UBE4B: variants seen among roughly 807,000 people sequenced by gnomAD.
UBE4B encodes the protein ubiquitination factor E4B, also known as ubiquitin conjugation factor E4 B.
Under a neutral mutation model 148.1 loss-of-function variants are expected in UBE4B, and 27 were observed. The observed-to-expected ratio is 0.18, with a 90% CI of 0.13 to 0.25. The LOEUF (loss-of-function observed/expected upper bound fraction) is 0.25, where lower values mean the gene tolerates loss of function less well. Ranked by LOEUF, UBE4B falls within the 10% of genes least tolerant of loss-of-function variation. The pLI is 1.00. For synonymous variants in UBE4B, 596 were observed against 619.3 expected (o/e 0.96, Z 0.56); for missense variants, 1,170 against 1,662.4 (o/e 0.70, Z 5.15).
intron 1 of UBE4B, among the ~76,000 whole-genome samples, chr1:10,060,488 GT>G (rs1644263437): frequency 6.6e-6 from 1 of 152,150 alleles, no homozygotes; most frequent in South Asian, 2.1e-4. Context: ...CTGAAATGTC[GT>G]TATGCAGCCC....
intron 5 of UBE4B, chr1:10,103,293 T>A (rs1234776873): frequency 2.3e-6 from 1 of 432,770 alleles, no homozygotes; most frequent in Admixed American, 3.5e-5. Flanking sequence ...TTATTTTTCA[T>A]TTCCATGATT....
chr1:10,104,578 T>C (rs1645075558), intron 5 of UBE4B, among the ~76,000 whole-genome samples: 1 of 152,206 alleles, frequency 6.6e-6, no homozygotes, highest in African/African-American at 2.4e-5. Context: ...AAAAAAGTCC[T>C]TTGTATTTCT....
intron 7 of UBE4B, among the ~76,000 whole-genome samples, chr1:10,116,315 G>A (rs1320871601): frequency 6.6e-6 from 1 of 152,132 alleles, no homozygotes; most frequent in Non-Finnish European, 1.5e-5. Context: ...ACAAATTTTT[G>A]TATTTTTAGT....
chr1:10,096,690 C>G (rs1293251982), intron 3 of UBE4B, among the ~76,000 whole-genome samples: 1 of 151,682 alleles, frequency 6.6e-6, no homozygotes, highest in Non-Finnish European at 1.5e-5. Context: ...CCACTGCACT[C>G]CAGCCTGGCC....
Position 10,158,629 on chromosome 1 carries a change from T to C in UBE4B, c.3053+147T>C, listed in dbSNP as rs116819138. On this transcript the variant is annotated intron_variant, in intron 22 of 27. Coordinates refer to ENST00000343090, the MANE Select transcript of UBE4B (RefSeq NM_001105562.3). Reference sequence around the variant, plus strand: ...GTTTACCACAAGATGCCACTAAATGTGGGCAGGATTTTTTAAATGGCTTTA... The same window carrying C: ...GTTTACCACAAGATGCCACTAAATGCGGGCAGGATTTTTTAAATGGCTTTA... The C allele has an allele frequency of 2.3e-4, 244 of 1,076,804 alleles. No homozygotes were observed. In the African/African-American group the frequency reaches 3.4e-3, roughly 15 times the overall value. 66.7% of individuals were successfully genotyped at this position (1,076,804 alleles called of 1,614,324 possible).
At chr1:10,129,284 T>G in intron 11 of UBE4B, 108 bp from the exon 12 acceptor site, 1 of 981,054 alleles carries the variant, frequency 1.0e-6, no homozygotes, top group Non-Finnish European at 1.5e-6. Context: ...ATGTGTGCCA[T>G]TTTAGAGGGA....
intron 10 of UBE4B, among the ~76,000 whole-genome samples, chr1:10,123,233 C>G (rs1470423426): frequency 6.6e-6 from 1 of 151,908 alleles, no homozygotes; most frequent in Non-Finnish European, 1.5e-5. Context: ...GAGTTCGAGA[C>G]CAGCCTGGCC....
chr1:10,055,901 A>G lies in UBE4B; in HGVS notation c.25-16127A>G, dbSNP rs1644158910. ...ATCACTGCATTCCAGCCTGGATGACAGAGTAAGACTCTGTCTCAAAAAAAC... is the reference window on the plus strand; with the variant it reads ...ATCACTGCATTCCAGCCTGGATGACGGAGTAAGACTCTGTCTCAAAAAAAC... On this transcript the variant is annotated intron_variant, in intron 1 of 27. Coordinates refer to ENST00000343090, the MANE Select transcript of UBE4B (RefSeq NM_001105562.3). Among the ~76,000 whole-genome samples, 3 of 152,194 alleles carry G rather than the reference A, an allele frequency of 2.0e-5. No homozygotes were observed. The South Asian group carries it at 6.2e-4, about 32-fold the overall frequency.
chr1:10,146,901 G>A lies in UBE4B; in HGVS notation c.2464-62G>A. On this transcript the variant is annotated intron_variant, in intron 18 of 27. Transcript: ENST00000343090. ...ATCTCCTGGCCCCAGTCCCTGCCCAGTCCCCCTGTAGGGACTTAGCTACTG... is the reference window on the plus strand; with the variant it reads ...ATCTCCTGGCCCCAGTCCCTGCCCAATCCCCCTGTAGGGACTTAGCTACTG... 10 of 1,585,444 alleles carry A rather than the reference G, an allele frequency of 6.3e-6. No individual in the cohort carries two copies. In the South Asian group the frequency reaches 7.9e-5, roughly 12 times the overall value.
chr1:10,135,269 C>T (rs1271815836), intron 16 of UBE4B, 83 bp downstream of exon 16: 1 of 1,333,222 alleles, frequency 7.5e-7, no homozygotes, highest in East Asian at 2.5e-5. Context: ...TTGTTACCAC[C>T]TCACCATAAA....
chr1:10,168,341 G>A lies in UBE4B; in HGVS notation c.3333+71G>A. The A allele has an allele frequency of 6.5e-7, 1 of 1,544,530 alleles. No individual in the cohort carries two copies. On this transcript the variant is annotated intron_variant, in intron 24 of 27. Coordinates refer to ENST00000343090, the MANE Select transcript of UBE4B (RefSeq NM_001105562.3). The surrounding 1 kb of genome is among the most constrained non-coding windows in gnomAD (Gnocchi z 4.9). ...TCAGACTCTCTCACTTATAACTTTA[G>A]CAGTTGTTGAAGTTCTGGAAATTTT...
At chr1:10,058,218 G>A (rs942770056) in intron 1 of UBE4B, among the ~76,000 whole-genome samples, 10 of 152,144 alleles carry the variant, frequency 6.6e-5, no homozygotes, top group African/African-American at 2.2e-4. Context: ...GAAGAAATGT[G>A]GTTAATCAAT....
rs2102051498 is a variant in UBE4B at position 10,180,280 on chromosome 1, C to T, written c.*324C>T. On this transcript the variant is annotated 3_prime_UTR_variant, in exon 28 of 28. Coordinates refer to ENST00000343090, the MANE Select transcript of UBE4B (RefSeq NM_001105562.3). ...TTTAGTGATGGCTAATGGGTCTGGG[C>T]AGCATCCCTTCATGAATTTTTTTTT... is the stretch of plus-strand genomic sequence containing the variant. 2 of 298,922 alleles carry T rather than the reference C, an allele frequency of 6.7e-6. No homozygotes were observed. The highest frequency in any genetic ancestry group is 9.7e-4 in the Middle Eastern group (1 of 1,030). 18.5% of individuals were successfully genotyped at this position (298,922 alleles called of 1,614,324 possible).
At chr1:10,092,632 A>G (rs1644867208) in intron 2 of UBE4B, among the ~76,000 whole-genome samples, 1 of 151,792 alleles carries the variant, frequency 6.6e-6, no homozygotes, top group Non-Finnish European at 1.5e-5. Flanking sequence ...GTTCAAGACC[A>G]GCCTGACAAA....
chr1:10,133,658 C>T (rs1179840423), intron 15 of UBE4B, among the ~76,000 whole-genome samples: 3 of 152,100 alleles, frequency 2.0e-5, no homozygotes, highest in African/African-American at 4.8e-5. Flanking sequence ...CGCCTGTAAT[C>T]TCAGCACTTT....
At position 10,179,974 on chromosome 1, in the gene UBE4B, C is replaced by A. The variant is rs747853558; in HGVS notation, c.*18C>A. ...ATCACTAAACCGTTCCGCCGCCCAC[C>A]CTCTGCTAGACACAGCCAAGGCCAA... is the stretch of plus-strand genomic sequence containing the variant. On this transcript the variant is annotated 3_prime_UTR_variant, in exon 28 of 28. Coordinates refer to ENST00000343090, the MANE Select transcript of UBE4B (RefSeq NM_001105562.3). 6.2e-7 allele frequency: 1 copy of A among 1,614,040 alleles called. No individual in the cohort carries two copies. The highest frequency in any genetic ancestry group is 2.2e-5 in the East Asian group (1 of 44,864).
intron 2 of UBE4B, among the ~76,000 whole-genome samples, chr1:10,073,829 G>C (rs1432708639): frequency 6.6e-6 from 1 of 151,556 alleles, no homozygotes; most frequent in Non-Finnish European, 1.5e-5. Context: ...TCACTCTGCT[G>C]ATCTGTTTCA....
Position 10,147,669 on chromosome 1 carries a change from TAGAA to T in UBE4B, c.2591+583_2591+586del, listed in dbSNP as rs146791372. On this transcript the variant is annotated intron_variant, in intron 19 of 27. Coordinates refer to ENST00000343090, the MANE Select transcript of UBE4B (RefSeq NM_001105562.3). ...AATTTGCTATAAAGTCTTTGATTGA[TAGAA>T]AGAGAAATCTATAAATTGGAAGCCA... is the stretch of plus-strand genomic sequence containing the variant. Among the ~76,000 whole-genome samples, 1,405 of 152,254 alleles carry T rather than the reference TAGAA, an allele frequency of 9.2e-3. 14 individuals are homozygous for T. Among genetic ancestry groups the T allele is most frequent in the African/African-American group, 0.031 (1,286 of 41,530 alleles).
intron 1 of UBE4B, among the ~76,000 whole-genome samples, chr1:10,057,259 A>G (rs936892500): frequency 2.0e-5 from 3 of 152,052 alleles, no homozygotes; most frequent in African/African-American, 7.2e-5. Context: ...AACGTTCTTC[A>G]TGTTATCAAT....
Sources: allele counts gnomAD v4.1 joint callset (sites outside exome capture counted in the v4.1 genomes callset), GRCh38; gene constraint gnomAD v4.1.1; non-coding constraint Gnocchi (gnomAD v3.1); transcripts MANE v1.5; gene names NCBI Gene and HGNC (gene_info 2026-07-23, HGNC 2026-07-21).